The following PRCP variants were observed in gnomAD, a reference collection of about 807,000 sequenced individuals.
PRCP encodes the protein lysosomal Pro-X carboxypeptidase.
A neutral mutation model predicts 54.2 loss-of-function variants in PRCP; 46 were observed. The observed-to-expected ratio is 0.85, with a 90% CI of 0.67 to 1.09. The LOEUF is 1.09. Among genes scored for constraint, PRCP ranks in the 50% least tolerant of loss-of-function variants. The pLI is 0.00. For missense variants in PRCP, 613 were observed against 596.8 expected, an observed-to-expected ratio of 1.03 and a Z score of -0.28; for synonymous variants, 240 against 212.2, an observed-to-expected ratio of 1.13 and a Z score of -1.14.
At chr11:82,842,645 C>T (rs1292372427) in intron 6 of PRCP, among the ~76,000 whole-genome samples, 1 of 152,182 alleles carries the variant, frequency 6.6e-6, no homozygotes, top group Non-Finnish European at 1.5e-5. Context: ...TCTTAAATTA[C>T]TGGCTCAAAA....
At chr11:82,878,423 A>G (rs1467505541) in intron 1 of PRCP, among the ~76,000 whole-genome samples, 1 of 152,146 alleles carries the variant, frequency 6.6e-6, no homozygotes, top group African/African-American at 2.4e-5. Context: ...CTCAACTTGA[A>G]TTGTATCTCC....
chr11:82,868,370 A>C (rs1363918938), intron 1 of PRCP, among the ~76,000 whole-genome samples: 3 of 152,218 alleles, frequency 2.0e-5, no homozygotes, highest in African/African-American at 7.2e-5. Context: ...GTGCTCACTA[A>C]AAGGCAGGTA....
intron 1 of PRCP, among the ~76,000 whole-genome samples, chr11:82,878,017 A>G (rs1433178913): frequency 6.6e-6 from 1 of 152,212 alleles, no homozygotes; most frequent in Non-Finnish European, 1.5e-5. Context: ...CACCTCTTGC[A>G]TCAGTGTGAC....
intron 1 of PRCP, among the ~76,000 whole-genome samples, chr11:82,891,592 ACT>A (rs1669672152): frequency 6.6e-6 from 1 of 150,746 alleles, no homozygotes; most frequent in African/African-American, 2.4e-5. Context: ...CTCCTCTAGT[ACT>A]CTCTCCCTGG....
intron 8 of PRCP, chr11:82,835,635 C>A: frequency 3.3e-6 from 1 of 302,888 alleles, no homozygotes; most frequent in South Asian, 3.0e-5. Context: ...GAACCAGAAC[C>A]AGCTGAGGAC....
At chr11:82,843,989 G>GAAA (rs36057569) in intron 6 of PRCP, among the ~76,000 whole-genome samples, 1 of 130,034 alleles carries the variant, frequency 7.7e-6, no homozygotes. Context: ...TCTGATGTGG[G>GAAA]AAAAAAAAAA....
chr11:82,838,688 C>A lies in PRCP; in HGVS notation c.1087-114G>T, dbSNP rs147249392. On this transcript the variant is annotated intron_variant, in intron 7 of 8. Transcript: ENST00000313010. ...AGTGAAGGCAGGGTTTGAACTCAGG[C>A]AAGGCAGCTTCAACGCCCTGTTCTT... 2,070 of 1,003,908 alleles carry A rather than the reference C, an allele frequency of 2.1e-3. 6 individuals carry two copies. The highest frequency in any genetic ancestry group is 5.8e-3 in the South Asian group (321 of 55,772). 62.2% of individuals were successfully genotyped at this position (1,003,908 alleles called of 1,614,324 possible).
intron 1 of PRCP, among the ~76,000 whole-genome samples, chr11:82,885,552 C>T (rs572644162): frequency 2.6e-5 from 4 of 152,234 alleles, no homozygotes; most frequent in South Asian, 2.1e-4. Context: ...AATAGAAGAA[C>T]GCATTTTTAT....
chr11:82,859,305 G>T (rs1481206872), intron 2 of PRCP, among the ~76,000 whole-genome samples: 1 of 152,126 alleles, frequency 6.6e-6, no homozygotes, highest in Non-Finnish European at 1.5e-5. Flanking sequence ...AAAGAAAATG[G>T]TAGAACAGGA....
At chr11:82,836,985 T>C (rs1858544982) in intron 8 of PRCP, 1 of 294,166 alleles carries the variant, frequency 3.4e-6, no homozygotes, top group African/African-American at 2.3e-5. Context: ...ATTTAAGTTA[T>C]GGGGCTCCAC....
At chr11:82,849,617 T>C (rs1363682046) in intron 5 of PRCP, among the ~76,000 whole-genome samples, 4 of 152,152 alleles carry the variant, frequency 2.6e-5, no homozygotes, top group African/African-American at 9.7e-5. Flanking sequence ...AATTAATCTA[T>C]GGTTCTAGAA....
chr11:82,852,758 T>G (rs1858986578), intron 3 of PRCP, among the ~76,000 whole-genome samples: 1 of 152,244 alleles, frequency 6.6e-6, no homozygotes, highest in African/African-American at 2.4e-5. Context: ...TTATTTGTCC[T>G]TATTTTATTG....
At chr11:82,849,276 CA>C in intron 5 of PRCP, 58 bp from the exon 6 acceptor site, 1 of 1,547,986 alleles carries the variant, frequency 6.5e-7, no homozygotes, top group South Asian at 1.2e-5. Context: ...GATGTCTTTA[CA>C]GATCATTTAT....
rs185104051 is a variant in PRCP, at chr11:82,863,636, A to G, written c.169-3519T>C. Among the ~76,000 whole-genome samples, 5 of 152,310 alleles carry G rather than the reference A, an allele frequency of 3.3e-5. No homozygotes were observed. In the East Asian group the frequency reaches 9.6e-4, roughly 29 times the overall value. The stretch of plus-strand genomic sequence containing the variant: ...CTTTAAAAGCATCCCACAAAGAAAA[A>G]CATTAATAATCCAGTCTAAAATTTT... On this transcript the variant is annotated intron_variant, in intron 1 of 8. Transcript: ENST00000313010.
chr11:82,860,931 G>C (rs1859193180), intron 1 of PRCP, among the ~76,000 whole-genome samples: 1 of 152,096 alleles, frequency 6.6e-6, no homozygotes, highest in Non-Finnish European at 1.5e-5. Flanking sequence ...TTAATGGAGA[G>C]TTATATTTAA....
chr11:82,900,743 C>A, upstream of PRCP: 3 of 499,972 alleles, frequency 6.0e-6, no homozygotes, highest in Non-Finnish European at 1.2e-5. Flanking sequence ...ATAGCGCCCC[C>A]GAAGCCCACC....
At chr11:82,869,405 G>A in intron 1 of PRCP, among the ~76,000 whole-genome samples, 1 of 148,672 alleles carries the variant, frequency 6.7e-6, no homozygotes, top group African/African-American at 2.5e-5. Flanking sequence ...AAGGAAGAAA[G>A]GAAGGAAGGA....
chr11:82,874,045 C>T lies in PRCP; in HGVS notation c.169-13928G>A, dbSNP rs956395869. 5.9e-5 allele frequency among the ~76,000 whole-genome samples: 9 copies of T among 152,108 alleles called. 1 individual carries two copies. The highest frequency in any genetic ancestry group is 4.8e-5 in the African/African-American group (2 of 41,420). ...CTATTCATTGTTTTGCACATTCATC[C>T]GGTCTAAATGATAATGGCGCTGTAA... On this transcript the variant is annotated intron_variant, in intron 1 of 8. Transcript: ENST00000313010.
rs140096464 is a variant in PRCP, at chr11:82,831,970, C to T, written c.1274+6417G>A. Among the ~76,000 whole-genome samples the T allele has an allele frequency of 1.7e-3, 262 of 151,952 alleles. 1 individual carries two copies. Among genetic ancestry groups the T allele is most frequent in the African/African-American group, 6.1e-3 (251 of 41,436 alleles). ...ACTTATGAGTGAGAACATATGGTGTCTGATTTTCTGTTCCTGTGTTAGTTT... is the reference window on the plus strand; with the variant it reads ...ACTTATGAGTGAGAACATATGGTGTTTGATTTTCTGTTCCTGTGTTAGTTT... On this transcript the variant is annotated intron_variant, in intron 8 of 8. Transcript: ENST00000313010.
Sources: gnomAD v4.1 joint callset for allele counts (sites outside exome capture counted in the v4.1 genomes callset) on GRCh38, gnomAD v4.1.1 for gene constraint, MANE v1.5 for transcripts, NCBI Gene and HGNC (gene_info 2026-07-23, HGNC 2026-07-21) for gene names.